The following FBXL2 variants were observed in gnomAD, a reference collection of about 807,000 sequenced individuals.
FBXL2 encodes the protein F-box and leucine rich repeat protein 2.
FBXL2 carries 38 observed loss-of-function variants against 69.2 expected under a neutral mutation model. The observed-to-expected ratio is 0.55, with a 90% CI of 0.42 to 0.72. The LOEUF is 0.72. FBXL2 is among the 30% of genes least tolerant of loss of function. The probability of loss-of-function intolerance (pLI) is 0.00; values close to 1 mark genes in which losing one functional copy is unlikely to be tolerated. For missense variants in FBXL2, 354 were observed against 520.3 expected, an observed-to-expected ratio of 0.68 and a Z score of 3.11; for synonymous variants, 192 against 201.3, an observed-to-expected ratio of 0.95 and a Z score of 0.39.
intron 2 of FBXL2, among the ~76,000 whole-genome samples, chr3:33,299,027 T>TTTTA (rs61556987): frequency 5.7e-4 from 84 of 146,144 alleles, no homozygotes; most frequent in African/African-American, 6.7e-4. Flanking sequence ...ATTTTTTTAA[T>TTTTA]TTTATTTATT....
chr3:33,383,887 C>T lies in FBXL2; in HGVS notation c.952-102C>T, dbSNP rs1349350229. 5.0e-6 allele frequency: 5 copies of T among 1,009,404 alleles called. No individual in the cohort carries two copies. In the African/African-American group the frequency reaches 6.4e-5, roughly 13 times the overall value. The allele number at this position is 1,009,404 out of a possible 1,614,324, so 62.5% of individuals were successfully genotyped here. On this transcript the variant is annotated intron_variant, in intron 13 of 14. Transcript: ENST00000484457. ...GCTGAGGGCATTCTTGCTGTGTCAT[C>T]CCATTGCAGAAGGGCAAAAAGGCTA...
In FBXL2 at chr3:33,338,003, G is replaced by A. The variant is rs370482794; in HGVS notation, c.66-20964G>A. The stretch of plus-strand genomic sequence containing the variant: ...AAAAACATTTCATGCTCATGGATGG[G>A]AAGAATCAATATTGTTAAAATGGCC... On this transcript the variant is annotated intron_variant, in intron 2 of 14. Transcript: ENST00000484457. Among the ~76,000 whole-genome samples the A allele has an allele frequency of 9.3e-4, 142 of 152,274 alleles. No individual in the cohort carries two copies. The Middle Eastern group carries it at 0.01, about 11-fold the overall frequency.
At chr3:33,323,450 T>A (rs2038401862) in intron 2 of FBXL2, among the ~76,000 whole-genome samples, 1 of 152,120 alleles carries the variant, frequency 6.6e-6, no homozygotes, top group African/African-American at 2.4e-5. Flanking sequence ...CCAAATGATA[T>A]CCCTCCCCTT....
At chr3:33,327,619 A>C (rs993897231) in intron 2 of FBXL2, among the ~76,000 whole-genome samples, 1 of 152,302 alleles carries the variant, frequency 6.6e-6, no homozygotes, top group Non-Finnish European at 1.5e-5. Context: ...GAATAGAAAA[A>C]GAAGATATAG....
intron 2 of FBXL2, among the ~76,000 whole-genome samples, chr3:33,313,278 A>T (rs2037379904): frequency 6.6e-6 from 1 of 152,128 alleles, no homozygotes; most frequent in African/African-American, 2.4e-5. Context: ...TTTAAACTCC[A>T]TCAAGTCCTG....
intron 12 of FBXL2, chr3:33,400,101 T>A (rs1484220592): frequency 3.5e-6 from 3 of 853,628 alleles, no homozygotes; most frequent in Non-Finnish European, 4.9e-6. Context: ...CATAGTTATT[T>A]CAAAATTTTA....
At chr3:33,364,845 T>C in intron 5 of FBXL2, 126 bp downstream of exon 5, 1 of 860,284 alleles carries the variant, frequency 1.2e-6, no homozygotes. Flanking sequence ...CATAGAGTAA[T>C]GAGAGGACCA....
chr3:33,416,823 CAT>C, the FBXL2 span: 1 of 1,613,406 alleles, frequency 6.2e-7, no homozygotes, highest in Non-Finnish European at 8.5e-7. Context: ...ATCCGAATTT[CAT>C]ATGACTGACC....
Position 33,332,099 on chromosome 3 carries a change from A to G in FBXL2, c.66-26868A>G, listed in dbSNP as rs139930207. 2.9e-4 allele frequency among the ~76,000 whole-genome samples: 44 copies of G among 152,278 alleles called. 2 individuals are homozygous for G. The East Asian group carries it at 7.5e-3, about 26-fold the overall frequency. ...TTAATAAAAATAAATACCTAAATTA[A>G]AAAAACCTAGATACAATATAATAAA... On this transcript the variant is annotated intron_variant, in intron 2 of 14. Coordinates refer to ENST00000484457, the MANE Select transcript of FBXL2 (RefSeq NM_012157.5).
intron 2 of FBXL2, among the ~76,000 whole-genome samples, chr3:33,310,665 G>T (rs2037111121): frequency 6.6e-6 from 1 of 151,846 alleles, no homozygotes. Flanking sequence ...ATGAACTCCT[G>T]AAGCTTTTTT....
chr3:33,357,821 G>A (rs1364418401), intron 2 of FBXL2, among the ~76,000 whole-genome samples: 2 of 152,052 alleles, frequency 1.3e-5, no homozygotes, highest in African/African-American at 2.4e-5. Context: ...GAGCCACCGC[G>A]CCCAGCCAAG....
intron 1 of FBXL2, chr3:33,289,779 A>G: frequency 1.0e-6 from 1 of 985,624 alleles, no homozygotes; most frequent in Non-Finnish European, 1.2e-6. Flanking sequence ...AAGAGAGCTA[A>G]GAAGGGTCCT....
At chr3:33,343,035 CG>C (rs2040181722) in intron 2 of FBXL2, among the ~76,000 whole-genome samples, 1 of 151,420 alleles carries the variant, frequency 6.6e-6, no homozygotes, top group Non-Finnish European at 1.5e-5. Flanking sequence ...CCACCGTGCC[CG>C]GCCAACAAAT....
At chr3:33,372,941 CA>C (rs1281152681) in intron 5 of FBXL2, 150 bp from the exon 6 acceptor site, 1 of 696,994 alleles carries the variant, frequency 1.4e-6, no homozygotes, top group African/African-American at 1.8e-5. Context: ...GATCTATCAT[CA>C]GAATCTGCAC....
the FBXL2 span, chr3:33,411,672 A>G: frequency 6.2e-7 from 1 of 1,614,016 alleles, no homozygotes; most frequent in Non-Finnish European, 8.5e-7. Context: ...AATTATTCCC[A>G]CAGACATTGG....
At chr3:33,324,983 C>A (rs1391891743) in intron 2 of FBXL2, among the ~76,000 whole-genome samples, 1 of 152,102 alleles carries the variant, frequency 6.6e-6, no homozygotes, top group African/African-American at 2.4e-5. Flanking sequence ...TTTCCTTGAG[C>A]AGTAGTTTGT....
In FBXL2 at chr3:33,373,998, G is replaced by A. The variant is rs2042470494; in HGVS notation, c.657+77G>A. The A allele has an allele frequency of 2.4e-5, 33 of 1,371,726 alleles. No individual in the cohort carries two copies. The South Asian group carries it at 3.8e-4, about 16-fold the overall frequency. 85.0% of individuals were successfully genotyped at this position (1,371,726 alleles called of 1,614,324 possible). On this transcript the variant is annotated intron_variant, in intron 9 of 14. Transcript: ENST00000484457. ...GCAGTCTGCCTCAGGCCTCCCTGCA[G>A]CCCCCTAGGCACCTGAGATGGGCTG... is the stretch of plus-strand genomic sequence containing the variant.
intron 13 of FBXL2, chr3:33,383,560 T>G: frequency 4.5e-6 from 1 of 220,136 alleles, no homozygotes; most frequent in African/African-American, 2.3e-5. Context: ...AACAAGGACA[T>G]TAGATGCATT....
Position 33,371,744 on chromosome 3 carries a change from T to G in FBXL2, c.291-1348T>G, listed in dbSNP as rs1345962374. Among the ~76,000 whole-genome samples, 2 of 152,198 alleles carry G rather than the reference T, an allele frequency of 1.3e-5. 1 individual carries two copies. Among genetic ancestry groups the G allele is most frequent in the Non-Finnish European group, 2.9e-5 (2 of 68,032 alleles). On this transcript the variant is annotated intron_variant, in intron 5 of 14. Coordinates refer to ENST00000484457, the MANE Select transcript of FBXL2 (RefSeq NM_012157.5). The stretch of plus-strand genomic sequence containing the variant: ...AATTTTACTTTGTTGGGTGCAGATA[T>G]TTTTGTATTCCTATAAATACTCAGG...
Sources: gnomAD v4.1 joint callset for allele counts (sites outside exome capture counted in the v4.1 genomes callset) on GRCh38, gnomAD v4.1.1 for gene constraint, MANE v1.5 for transcripts, NCBI Gene and HGNC (gene_info 2026-07-23, HGNC 2026-07-21) for gene names.